Variants in CDH13 observed in about 807,000 individuals in gnomAD.
CDH13 encodes the protein cadherin 13, also known as cadherin-13.
Under a neutral mutation model 63.8 loss-of-function variants are expected in CDH13, and 24 were observed. The observed-to-expected ratio is 0.38, with a 90% CI of 0.27 to 0.53. The LOEUF is 0.53. Ranked by LOEUF, CDH13 falls within the 20% of genes least tolerant of loss-of-function variation. The pLI is 0.85. For missense variants in CDH13, 1,049 were observed against 903.1 expected, an observed-to-expected ratio of 1.16 and a Z score of -2.07; for synonymous variants, 503 against 355.3, an observed-to-expected ratio of 1.42 and a Z score of -4.67.
intron 1 of CDH13, among the ~76,000 whole-genome samples, chr16:82,713,987 A>G (rs1185025916): frequency 6.6e-6 from 1 of 152,108 alleles, no homozygotes; most frequent in Non-Finnish European, 1.5e-5. Context: ...CTTGTCGCCT[A>G]GGCTGGAGTG....
intron 1 of CDH13, among the ~76,000 whole-genome samples, chr16:82,677,606 C>T (rs1359817499): frequency 1.3e-5 from 2 of 152,124 alleles, no homozygotes; most frequent in African/African-American, 4.8e-5. Context: ...AATCAGAGCT[C>T]ATTCTAACTT....
intron 2 of CDH13, among the ~76,000 whole-genome samples, chr16:82,929,651 C>CGAAAAAAAAAAAAAA (rs2042416318): frequency 2.3e-5 from 1 of 44,272 alleles, no homozygotes; most frequent in Non-Finnish European, 3.3e-5. Context: ...GACTCCATCT[C>CGAAAAAAAAAAAAAA]AAAAAAAAAA....
intron 1 of CDH13, among the ~76,000 whole-genome samples, chr16:82,659,244 C>G (rs956321055): frequency 5.9e-5 from 9 of 152,214 alleles, no homozygotes; most frequent in African/African-American, 1.9e-4. Context: ...TCCCTTCATT[C>G]AACACTGGGT....
chr16:82,993,647 C>G (rs2151410612), intron 2 of CDH13, among the ~76,000 whole-genome samples: 1 of 152,132 alleles, frequency 6.6e-6, no homozygotes. Flanking sequence ...ACTGTGTCTG[C>G]TAGTTCAGAG....
intron 2 of CDH13, among the ~76,000 whole-genome samples, chr16:82,876,158 C>A (rs555172163): frequency 6.6e-6 from 1 of 152,220 alleles, no homozygotes; most frequent in Non-Finnish European, 1.5e-5. Flanking sequence ...GTGGGAGTTA[C>A]AATTCAAGAT....
intron 2 of CDH13, among the ~76,000 whole-genome samples, chr16:82,912,723 C>G (rs1318880773): frequency 6.6e-6 from 1 of 152,266 alleles, no homozygotes; most frequent in East Asian, 1.9e-4. Context: ...GTGGGCGGAT[C>G]ACGAGGTCAG....
intron 1 of CDH13, among the ~76,000 whole-genome samples, chr16:82,632,512 C>T (rs141167416): frequency 2.0e-5 from 3 of 152,082 alleles, no homozygotes; most frequent in Admixed American, 6.6e-5. Flanking sequence ...AGAAGTGACA[C>T]GCTGCAGCTC....
chr16:83,686,461 C>G (rs1904322634), intron 10 of CDH13, among the ~76,000 whole-genome samples: 1 of 152,110 alleles, frequency 6.6e-6, no homozygotes, highest in Non-Finnish European at 1.5e-5. Flanking sequence ...CTCCAAAATT[C>G]AAAAAGAAAG....
chr16:82,829,496 T>G lies in CDH13; in HGVS notation c.46-28866T>G, dbSNP rs544586764. 3.3e-5 allele frequency: 5 copies of G among 152,238 alleles called. No homozygotes were observed. The South Asian group carries it at 1.0e-3, about 32-fold the overall frequency. The allele number at this position is 152,238 out of a possible 1,614,324, so 9.4% of individuals were successfully genotyped here. ...GCTACCCAAGAGGAAATAATTTGAT[T>G]TGGGGCTGCAGGGGGTAGGGTGGAA... On this transcript the variant is annotated intron_variant, in intron 1 of 13. Transcript: ENST00000567109.
intron 6 of CDH13, among the ~76,000 whole-genome samples, chr16:83,482,022 A>G (rs1255806883): frequency 2.0e-5 from 3 of 152,216 alleles, no homozygotes; most frequent in Non-Finnish European, 4.4e-5. Flanking sequence ...AGCCCTGGGC[A>G]TAGCATTGGT....
intron 6 of CDH13, among the ~76,000 whole-genome samples, chr16:83,458,763 C>T (rs373550862): frequency 6.6e-6 from 1 of 152,138 alleles, no homozygotes; most frequent in Admixed American, 6.5e-5. Flanking sequence ...CCCAATGGTG[C>T]GATTGCTCAT....
At chr16:83,669,442 C>T (rs904812458) in intron 8 of CDH13, among the ~76,000 whole-genome samples, 15 of 152,142 alleles carry the variant, frequency 9.9e-5, no homozygotes, top group Admixed American at 3.3e-4. Context: ...GATAGGTAGA[C>T]ATTAAACAAG....
intron 5 of CDH13, among the ~76,000 whole-genome samples, chr16:83,329,885 G>A (rs1045395425): frequency 2.6e-5 from 4 of 152,160 alleles, no homozygotes; most frequent in African/African-American, 9.7e-5. Flanking sequence ...AATAGTGTTT[G>A]TATTGAATGA....
intron 6 of CDH13, among the ~76,000 whole-genome samples, chr16:83,346,321 A>G (rs530592349): frequency 5.3e-5 from 8 of 152,264 alleles, no homozygotes; most frequent in African/African-American, 1.7e-4. Context: ...TGATGGAAAG[A>G]TGGCTTCTGG....
At chr16:83,626,123 A>G (rs1165092210) in intron 8 of CDH13, among the ~76,000 whole-genome samples, 1 of 151,060 alleles carries the variant, frequency 6.6e-6, no homozygotes, top group Non-Finnish European at 1.5e-5. Context: ...TGGTCCTCCT[A>G]TGTCAGCCTC....
At chr16:83,708,850 C>T (rs183561136) in intron 10 of CDH13, among the ~76,000 whole-genome samples, 1 of 151,958 alleles carries the variant, frequency 6.6e-6, no homozygotes, top group African/African-American at 2.4e-5. Context: ...TGTGGTGAAA[C>T]CTATCTCTAC....
At position 82,930,141 on chromosome 16, in the gene CDH13, A is replaced by G. The variant is rs533245376; in HGVS notation, c.157+71668A>G. ...CTCACTACAACCTCTGCCTCCCAATATAACCTTTGTATTTTTAAGAGAGAT... is the reference window on the plus strand; with the variant it reads ...CTCACTACAACCTCTGCCTCCCAATGTAACCTTTGTATTTTTAAGAGAGAT... On this transcript the variant is annotated intron_variant, in intron 2 of 13. Coordinates refer to ENST00000567109, the MANE Select transcript of CDH13 (RefSeq NM_001257.5). Among the ~76,000 whole-genome samples, 207 of 146,616 alleles carry G rather than the reference A, an allele frequency of 1.4e-3. 2 individuals carry two copies. In the South Asian group the frequency reaches 0.015, roughly 11 times the overall value.
At chr16:83,198,352 C>T (rs2038935126) in intron 4 of CDH13, among the ~76,000 whole-genome samples, 1 of 150,454 alleles carries the variant, frequency 6.6e-6, no homozygotes, top group Non-Finnish European at 1.5e-5. Flanking sequence ...CACACACACA[C>T]AATCATGACC....
intron 6 of CDH13, among the ~76,000 whole-genome samples, chr16:83,423,114 C>T (rs1483148453): frequency 2.0e-5 from 3 of 152,122 alleles, no homozygotes; most frequent in Admixed American, 1.3e-4. Context: ...TGTTTCCCCC[C>T]ATTTTCTGCT....
Sources: allele counts gnomAD v4.1 joint callset (sites outside exome capture counted in the v4.1 genomes callset), GRCh38; gene constraint gnomAD v4.1.1; transcripts MANE v1.5; gene names NCBI Gene and HGNC (gene_info 2026-07-23, HGNC 2026-07-21).